SBF2: variants seen among roughly 807,000 people sequenced by gnomAD.
SBF2 encodes the protein SET binding factor 2.
SBF2 carries 112 observed loss-of-function variants against 225.2 expected under a neutral mutation model. The ratio of observed to expected loss-of-function variants is 0.50; its 90% CI spans 0.43 to 0.58. SBF2 has a LOEUF of 0.58. Among genes scored for constraint, SBF2 ranks in the 20% least tolerant of loss-of-function variants. The pLI is 0.00. For missense variants in SBF2, 1,996 were observed against 2,206.2 expected, an observed-to-expected ratio of 0.90 and a Z score of 1.91; for synonymous variants, 763 against 773.3, an observed-to-expected ratio of 0.99 and a Z score of 0.22.
intron 5 of SBF2, among the ~76,000 whole-genome samples, chr11:10,028,956 G>A (rs1456747736): frequency 6.6e-6 from 1 of 152,052 alleles, no homozygotes; most frequent in African/African-American, 2.4e-5. Context: ...GAGCAAGAGA[G>A]ACAGAGAAAA....
intron 20 of SBF2, 128 bp downstream of exon 20, chr11:9,853,412 T>A (rs995997554): frequency 4.5e-5 from 38 of 843,554 alleles, no homozygotes; most frequent in Non-Finnish European, 6.3e-5. Context: ...AAAAACATTT[T>A]AAAAACTAAT....
intron 17 of SBF2, among the ~76,000 whole-genome samples, chr11:9,871,583 C>G (rs891703560): frequency 6.6e-6 from 1 of 151,590 alleles, no homozygotes; most frequent in Non-Finnish European, 1.5e-5. Flanking sequence ...GCTCCGCCTC[C>G]TGGGTTCATG....
intron 14 of SBF2, 26 bp from the exon 15 acceptor site, chr11:9,963,908 C>G (rs1490982197): frequency 6.9e-6 from 9 of 1,300,554 alleles, no homozygotes; most frequent in Non-Finnish European, 1.0e-5. Flanking sequence ...AAAGAAAGCA[C>G]AAATAAATTA....
At chr11:9,898,574 G>A (rs1861462902) in intron 16 of SBF2, among the ~76,000 whole-genome samples, 1 of 152,062 alleles carries the variant, frequency 6.6e-6, no homozygotes, top group Admixed American at 6.6e-5. Context: ...AGGAGGCTGA[G>A]GCAGGAGAAT....
intron 1 of SBF2, among the ~76,000 whole-genome samples, chr11:10,239,753 T>C (rs1959182811): frequency 7.3e-6 from 1 of 136,408 alleles, no homozygotes; most frequent in South Asian, 2.7e-4. Flanking sequence ...AAACGCAAAA[T>C]GCACTATATA....
intron 22 of SBF2, among the ~76,000 whole-genome samples, chr11:9,849,267 C>T (rs1856759999): frequency 6.6e-6 from 1 of 152,108 alleles, no homozygotes; most frequent in South Asian, 2.1e-4. Context: ...CCCAATCTCC[C>T]AATTTTATAA....
At chr11:9,874,005 G>A (rs1286072556) in intron 17 of SBF2, among the ~76,000 whole-genome samples, 1 of 151,946 alleles carries the variant, frequency 6.6e-6, no homozygotes, top group East Asian at 1.9e-4. Context: ...GCTGCAGTGA[G>A]CCGAGATTGA....
At chr11:9,900,101 C>T (rs963759666) in intron 16 of SBF2, among the ~76,000 whole-genome samples, 6 of 148,584 alleles carry the variant, frequency 4.0e-5, no homozygotes, top group Admixed American at 6.7e-5. Context: ...GAAGGGAATT[C>T]GGTATACAGC....
intron 16 of SBF2, chr11:9,958,854 CCTT>C (rs1221234672): frequency 1.6e-6 from 1 of 644,266 alleles, no homozygotes; most frequent in South Asian, 1.6e-5. Context: ...TCAAAGTAAC[CCTT>C]CTTCTCCTGG....
In SBF2 at chr11:9,808,205, G is replaced by C. The variant is rs1324228041; in HGVS notation, c.4258-20C>G. ...TGTCACCTAGGGCATAAGCAGGATG[G>C]ATTGTCATTAATTTTAGTTCTGAAA... On this transcript the variant is annotated intron_variant, in intron 31 of 39. Transcript: ENST00000256190. 1 of 1,608,238 alleles carries C rather than the reference G, an allele frequency of 6.2e-7. No individual in the cohort carries two copies.
At chr11:10,199,620 A>G (rs977224658) in intron 1 of SBF2, among the ~76,000 whole-genome samples, 6 of 152,244 alleles carry the variant, frequency 3.9e-5, no homozygotes, top group African/African-American at 1.4e-4. Context: ...AAGGAGATTT[A>G]GTCAGAAAAT....
At chr11:9,914,748 A>G (rs1404187628) in intron 16 of SBF2, among the ~76,000 whole-genome samples, 2 of 152,178 alleles carry the variant, frequency 1.3e-5, no homozygotes, top group Admixed American at 1.3e-4. Context: ...AGAATGAAAA[A>G]ATAAGCCACA....
At chr11:9,921,133 T>TGATCTCA (rs1407501648) in intron 16 of SBF2, among the ~76,000 whole-genome samples, 2 of 149,286 alleles carry the variant, frequency 1.3e-5, no homozygotes, top group African/African-American at 2.5e-5. Flanking sequence ...TACAATGGCT[T>TGATCTCA]GATCTCAGCT....
chr11:10,173,165 G>C (rs1956282617), intron 2 of SBF2, among the ~76,000 whole-genome samples: 1 of 152,202 alleles, frequency 6.6e-6, no homozygotes, highest in African/African-American at 2.4e-5. Flanking sequence ...AGCCAAGATG[G>C]CCGAATAGGA....
chr11:9,900,776 G>A (rs78121745), intron 16 of SBF2, among the ~76,000 whole-genome samples: 9,369 of 152,228 alleles, frequency 0.062, 484 homozygotes, highest in East Asian at 0.28. Context: ...ATCCTGCTCT[G>A]TTGCCTAGGC....
At position 10,173,983 on chromosome 11, in the gene SBF2, A is replaced by G. The variant is rs1475628369; in HGVS notation, c.141+19919T>C. On this transcript the variant is annotated intron_variant, in intron 2 of 39. Coordinates refer to ENST00000256190, the MANE Select transcript of SBF2 (RefSeq NM_030962.4). ...TTAGAAGGAAAACTAACAAACAGAA[A>G]GGACATCCACGCCAAAAACCCATCT... Among the ~76,000 whole-genome samples, 4 of 152,088 alleles carry G rather than the reference A, an allele frequency of 2.6e-5. No individual in the cohort carries two copies. The East Asian group carries it at 7.7e-4, about 29-fold the overall frequency.
chr11:10,066,340 A>G (rs1487918539), intron 2 of SBF2, among the ~76,000 whole-genome samples: 1 of 150,472 alleles, frequency 6.6e-6, no homozygotes, highest in Non-Finnish European at 1.5e-5. Context: ...CTATATATCT[A>G]TATCTATATA....
chr11:10,272,836 C>T (rs559055438), intron 1 of SBF2, among the ~76,000 whole-genome samples: 614 of 151,584 alleles, frequency 4.1e-3, no homozygotes, highest in Middle Eastern at 0.01. Context: ...TTTGGGAGGC[C>T]CAGGTGGACA....
intron 2 of SBF2, among the ~76,000 whole-genome samples, chr11:10,046,448 G>A (rs1049419005): frequency 9.9e-5 from 15 of 151,992 alleles, no homozygotes; most frequent in Middle Eastern, 3.2e-3. Flanking sequence ...GGCATGCAAG[G>A]CTGGTTAACC....
Sources: gnomAD v4.1 joint callset for allele counts (sites outside exome capture counted in the v4.1 genomes callset) on GRCh38, gnomAD v4.1.1 for gene constraint, MANE v1.5 for transcripts, NCBI Gene and HGNC (gene_info 2026-07-23, HGNC 2026-07-21) for gene names.